The following GBF1 variants were observed in gnomAD, a reference collection of about 807,000 sequenced individuals.
GBF1 encodes the protein golgi brefeldin A resistant guanine nucleotide exchange factor 1, also known as Golgi-specific brefeldin A-resistance guanine nucleotide exchange factor 1.
Under a neutral mutation model 210.5 loss-of-function variants are expected in GBF1, and 114 were observed. The observed-to-expected ratio is 0.54, with a 90% CI of 0.47 to 0.63. GBF1 has a LOEUF of 0.63. Among genes scored for constraint, GBF1 ranks in the 30% least tolerant of loss-of-function variants. GBF1 has a pLI of 0.00. For synonymous variants in GBF1, 850 were observed against 889.2 expected (o/e 0.96, Z 0.78); for missense variants, 1,851 against 2,357.7 (o/e 0.79, Z 4.45).
chr10:102,368,681 G>A, intron 22 of GBF1, 58 bp from the exon 23 acceptor site: 1 of 1,231,054 alleles, frequency 8.1e-7, no homozygotes, highest in Non-Finnish European at 1.2e-6. Flanking sequence ...TCAGGGACTT[G>A]GAAGGGCTGC....
chr10:102,293,924 C>CCCA (rs1453627146), intron 3 of GBF1, among the ~76,000 whole-genome samples: 4 of 151,232 alleles, frequency 2.6e-5, no homozygotes, highest in Admixed American at 6.6e-5. Flanking sequence ...ACTACAGGCA[C>CCCA]CCACCACCAC....
Position 102,379,345 on chromosome 10 carries a change from A to G in GBF1, c.4556A>G (p.Glu1519Gly), listed in dbSNP as rs1316500378. The G allele has an allele frequency of 1.2e-6, 2 of 1,613,880 alleles. No homozygotes were observed. The highest frequency in any genetic ancestry group is 3.3e-5 in the Admixed American group (2 of 60,006). The change falls in exon 34 of 40, where the codon GAG becomes GGG. Residue 1519 changes from glutamate to glycine, a missense_variant. By Grantham distance (98) the Glu-to-Gly change is moderately conservative (BLOSUM62 -2). Coordinates refer to ENST00000369983, the MANE Select transcript of GBF1 (RefSeq NM_001377137.1). ...GCCTCTATCTACAGCTCATGGGCGG[A>G]GGAGCAACGCCACCTGGAGACAGGT... is the stretch of plus-strand genomic sequence containing the variant. ...RAASIYSSWA[E>G]EQRHLETGGQ...
intron 3 of GBF1, among the ~76,000 whole-genome samples, chr10:102,327,048 A>G (rs1384038767): frequency 1.3e-5 from 2 of 152,134 alleles, no homozygotes; most frequent in Non-Finnish European, 2.9e-5. Context: ...CATATACACT[A>G]TTATGTAGCT....
intron 3 of GBF1, among the ~76,000 whole-genome samples, chr10:102,282,194 C>A (rs1278466758): frequency 6.6e-6 from 1 of 151,966 alleles, no homozygotes; most frequent in African/African-American, 2.4e-5. Flanking sequence ...CTCGGCCTCT[C>A]AAAGTGCTGG....
chr10:102,369,492 T>C, intron 24 of GBF1, 105 bp downstream of exon 24: 1 of 958,194 alleles, frequency 1.0e-6, no homozygotes, highest in South Asian at 1.5e-5. Context: ...TTGGGCCTGA[T>C]GCCTGCCACA....
intron 8 of GBF1, among the ~76,000 whole-genome samples, chr10:102,357,739 A>T (rs1293853009): frequency 6.6e-6 from 1 of 152,128 alleles, no homozygotes; most frequent in Non-Finnish European, 1.5e-5. Context: ...TTCCTGCTTA[A>T]TGTAACACTC....
intron 3 of GBF1, among the ~76,000 whole-genome samples, chr10:102,336,372 G>A (rs1323967842): frequency 2.0e-5 from 3 of 150,428 alleles, no homozygotes; most frequent in Non-Finnish European, 4.4e-5. Flanking sequence ...CTGGACTGCT[G>A]TGACTCTAGA....
chr10:102,376,267 C>G lies in GBF1; in HGVS notation c.3887-5C>G. 6.2e-7 allele frequency: 1 copy of G among 1,613,214 alleles called. No homozygotes were observed. Among genetic ancestry groups the G allele is most frequent in the East Asian group, 2.2e-5 (1 of 44,862 alleles). ...TGACTCTGCCCTTCTCCCTGCCTAC[C>G]ATAGGGGCCCAGTCAGATAGTGAGC... On this transcript the variant is annotated splice_polypyrimidine_tract_variant and splice_region_variant and intron_variant, in intron 30 of 39. Coordinates refer to ENST00000369983, the MANE Select transcript of GBF1 (RefSeq NM_001377137.1).
At chr10:102,343,558 C>T (rs1223450849) in intron 3 of GBF1, among the ~76,000 whole-genome samples, 2 of 152,126 alleles carry the variant, frequency 1.3e-5, no homozygotes, top group Non-Finnish European at 2.9e-5. Context: ...TGGCTCGCGC[C>T]TGTAATCCTA....
chr10:102,363,937 CT>C lies in GBF1; in HGVS notation c.2106+141del. On this transcript the variant is annotated intron_variant, in intron 17 of 39. Coordinates refer to ENST00000369983, the MANE Select transcript of GBF1 (RefSeq NM_001377137.1). The surrounding 1 kb of genome is among the most constrained non-coding windows in gnomAD (Gnocchi z 4.2). ...AGGCCAGTCTTTGGGCTTGTTGGGA[CT>C]TCAGCAACTCCCATTTGAAGCCCTT... The C allele has an allele frequency of 1.7e-6, 1 of 600,120 alleles. No individual in the cohort carries two copies. Among genetic ancestry groups the C allele is most frequent in the South Asian group, 2.0e-5 (1 of 50,438 alleles). The allele number at this position is 600,120 out of a possible 1,614,324, so 37.2% of individuals were successfully genotyped here.
At chr10:102,369,664 A>C in intron 24 of GBF1, 47 bp from the exon 25 acceptor site, 1 of 1,568,092 alleles carries the variant, frequency 6.4e-7, no homozygotes, top group African/African-American at 1.3e-5. Flanking sequence ...GGCGGGCACA[A>C]ATGCAAAGGA....
At chr10:102,343,954 C>G in intron 3 of GBF1, 97 bp from the exon 4 acceptor site, 1 of 902,090 alleles carries the variant, frequency 1.1e-6, no homozygotes, top group Non-Finnish European at 1.8e-6. Flanking sequence ...GACCCAACAA[C>G]AAAGACCTCT....
At chr10:102,284,085 T>C (rs2075739339) in intron 3 of GBF1, among the ~76,000 whole-genome samples, 1 of 134,400 alleles carries the variant, frequency 7.4e-6, no homozygotes, top group East Asian at 2.2e-4. Context: ...CTTTGCACTA[T>C]GGACTGAGGT....
chr10:102,249,731 G>A (rs2071270400), intron 1 of GBF1, among the ~76,000 whole-genome samples: 1 of 146,418 alleles, frequency 6.8e-6, no homozygotes, highest in Non-Finnish European at 1.5e-5. Context: ...TTGCTCTGTT[G>A]CCCAGGCTGG....
At position 102,366,959 on chromosome 10, in the gene GBF1, G is replaced by C. The variant is rs915108433; in HGVS notation, c.2434-126G>C. The C allele has an allele frequency of 1.0e-5, 10 of 997,468 alleles. No individual in the cohort carries two copies. Among genetic ancestry groups the C allele is most frequent in the Middle Eastern group, 2.2e-4 (1 of 4,512 alleles). 61.8% of individuals were successfully genotyped at this position (997,468 alleles called of 1,614,324 possible). A position where few individuals can be genotyped will look rare whatever the true frequency, so the allele number is the denominator to read the frequency against. ...AGAGATCAGCTTCTGTTAAGGAGTT[G>C]GCAAGAGACTGGCCACTTTCTGGAT... is the stretch of plus-strand genomic sequence containing the variant. On this transcript the variant is annotated intron_variant, in intron 19 of 39. Transcript: ENST00000369983. This position sits in a 1 kb window ranked among gnomAD's most constrained non-coding sequence, Gnocchi z 4.0.
At chr10:102,352,651 A>G in intron 7 of GBF1, 133 bp downstream of exon 7, 1 of 688,784 alleles carries the variant, frequency 1.5e-6, no homozygotes, top group Admixed American at 2.1e-5. Flanking sequence ...GATGGGGGGT[A>G]GTTCTCTGGG....
At chr10:102,368,012 C>T (rs1234488688) in intron 21 of GBF1, among the ~76,000 whole-genome samples, 1 of 152,154 alleles carries the variant, frequency 6.6e-6, no homozygotes, top group Non-Finnish European at 1.5e-5. Flanking sequence ...AACTAAAGGC[C>T]TCACTTACAG....
At chr10:102,312,320 T>C (rs1406793570) in intron 3 of GBF1, among the ~76,000 whole-genome samples, 1 of 147,416 alleles carries the variant, frequency 6.8e-6, no homozygotes, top group African/African-American at 2.5e-5. Flanking sequence ...AGAAAGAAAA[T>C]GTTAAATCTC....
chr10:102,267,429 C>T (rs2073971333), intron 3 of GBF1, among the ~76,000 whole-genome samples: 1 of 152,100 alleles, frequency 6.6e-6, no homozygotes, highest in Non-Finnish European at 1.5e-5. Flanking sequence ...TGCTTGAACC[C>T]AGGAGGTGAG....
Sources: allele counts gnomAD v4.1 joint callset (sites outside exome capture counted in the v4.1 genomes callset), GRCh38; gene constraint gnomAD v4.1.1; non-coding constraint Gnocchi (gnomAD v3.1); transcripts MANE v1.5; gene names NCBI Gene and HGNC (gene_info 2026-07-23, HGNC 2026-07-21).